Variants in PDE3A observed in about 807,000 individuals in gnomAD.
The protein encoded by PDE3A is phosphodiesterase 3A, also known as cGMP-inhibited 3',5'-cyclic phosphodiesterase 3A.
Under a neutral mutation model 98.3 loss-of-function variants are expected in PDE3A, and 43 were observed. The ratio of observed to expected loss-of-function variants is 0.44; its 90% CI spans 0.34 to 0.56. The LOEUF is 0.56. Among genes scored for constraint, PDE3A ranks in the 20% least tolerant of loss-of-function variants. The pLI, the probability that PDE3A is intolerant of heterozygous loss-of-function variation, is 0.01. For synonymous variants in PDE3A, 663 were observed against 567.9 expected, an observed-to-expected ratio of 1.17 and a Z score of -2.38; for missense variants, 1,427 against 1,440.7, an observed-to-expected ratio of 0.99 and a Z score of 0.15.
intron 1 of PDE3A, among the ~76,000 whole-genome samples, chr12:20,547,149 T>C (rs1942080617): frequency 6.6e-6 from 1 of 152,118 alleles, no homozygotes; most frequent in African/African-American, 2.4e-5. Flanking sequence ...AATTATCTGA[T>C]AAAATGTCAC....
In PDE3A at chr12:20,686,103, AC is replaced by A. The variant is rs1263448902; in HGVS notation, c.*5833del. ...GGCTGAATATTTTGATATAATAAGA[AC>A]TAGTATCATATAACAGAAAACTAGA... On this transcript the variant is annotated 3_prime_UTR_variant, in exon 16 of 16. Transcript: ENST00000359062. Among the ~76,000 whole-genome samples the A allele has an allele frequency of 1.3e-5, 2 of 152,164 alleles. No individual in the cohort carries two copies. Among genetic ancestry groups the A allele is most frequent in the Non-Finnish European group, 2.9e-5 (2 of 68,000 alleles).
chr12:20,386,718 C>T (rs111593723), intron 1 of PDE3A, among the ~76,000 whole-genome samples: 1 of 151,916 alleles, frequency 6.6e-6, no homozygotes, highest in South Asian at 2.1e-4. Context: ...AAAATTTTCT[C>T]CCATTCTATA....
Position 20,646,803 on chromosome 12 carries a change from G to A in PDE3A, c.2418G>A (p.Thr806=), listed in dbSNP as rs2121515491. The stretch of plus-strand genomic sequence containing the variant: ...ATATGGGATATGTATTCTCAAAAAC[G>A]TATAATGTGACAGATGATAAATACG... The part of the protein sequence containing the change: ...HGHMGYVFSK[T]YNVTDDKYGC... Residue 806 remains threonine (T), a synonymous_variant, in exon 12 of 16, where the codon ACG becomes ACA. Transcript: ENST00000359062. 4 of 1,611,158 alleles carry A rather than the reference G, an allele frequency of 2.5e-6. No individual in the cohort carries two copies. Among genetic ancestry groups the A allele is most frequent in the Admixed American group, 1.7e-5 (1 of 59,996 alleles).
chr12:20,627,125 G>C (rs1319472420), intron 5 of PDE3A, among the ~76,000 whole-genome samples: 1 of 137,310 alleles, frequency 7.3e-6, no homozygotes, highest in Non-Finnish European at 1.5e-5. Context: ...GTTCTCATGG[G>C]CTTTGAACTA....
chr12:20,557,572 A>G (rs932943084), intron 2 of PDE3A, among the ~76,000 whole-genome samples: 1 of 152,224 alleles, frequency 6.6e-6, no homozygotes, highest in Non-Finnish European at 1.5e-5. Context: ...AATACTGTAA[A>G]TGAAAGTTCA....
chr12:20,644,709 T>A (rs1944730517), intron 10 of PDE3A, among the ~76,000 whole-genome samples: 1 of 152,126 alleles, frequency 6.6e-6, no homozygotes, highest in Non-Finnish European at 1.5e-5. Context: ...TCAATCTTAA[T>A]GAAATTGCTC....
chr12:20,567,006 C>G (rs1294332246), intron 2 of PDE3A, among the ~76,000 whole-genome samples: 2 of 151,850 alleles, frequency 1.3e-5, no homozygotes, highest in African/African-American at 4.8e-5. Flanking sequence ...TTAAAGAGTA[C>G]TCCAATTAAC....
Position 20,552,690 on chromosome 12 carries a change from C to CA in PDE3A, c.961-3968dup. ...AGCAGAGCAGCCTCATCAGAGAGGA[C>CA]AAGAGCAACGCCAAGCTGTGGAATG... On this transcript the variant is annotated intron_variant, in intron 1 of 15. Coordinates refer to ENST00000359062, the MANE Select transcript of PDE3A (RefSeq NM_000921.5). This position sits in a 1 kb window ranked among gnomAD's most constrained non-coding sequence, Gnocchi z 5.1. 1.2e-6 allele frequency: 2 copies of CA among 1,614,004 alleles called. No individual in the cohort carries two copies. The highest frequency in any genetic ancestry group is 1.7e-6 in the Non-Finnish European group (2 of 1,179,886).
intron 1 of PDE3A, among the ~76,000 whole-genome samples, chr12:20,471,122 G>A (rs1234879955): frequency 6.6e-6 from 1 of 152,158 alleles, no homozygotes; most frequent in Non-Finnish European, 1.5e-5. Flanking sequence ...ATTACAGCTT[G>A]AGCTGACATG....
In PDE3A at chr12:20,681,553, T is replaced by C. The variant is rs934245721; in HGVS notation, c.*1282T>C. ...GCCTGATTCTTGGCAACTGTTGTAG[T>C]TTGTCTTTCAGGGGTGAAGGTCCCA... On this transcript the variant is annotated 3_prime_UTR_variant, in exon 16 of 16. Coordinates refer to ENST00000359062, the MANE Select transcript of PDE3A (RefSeq NM_000921.5). 6.6e-6 allele frequency: 1 copy of C among 152,186 alleles called. No homozygotes were observed. Among genetic ancestry groups the C allele is most frequent in the Admixed American group, 6.5e-5 (1 of 15,280 alleles). The allele number at this position is 152,186 out of a possible 1,614,324, so 9.4% of individuals were successfully genotyped here.
intron 4 of PDE3A, among the ~76,000 whole-genome samples, chr12:20,618,592 G>A (rs1412717597): frequency 6.6e-6 from 1 of 152,064 alleles, no homozygotes; most frequent in Non-Finnish European, 1.5e-5. Flanking sequence ...GAAATGAAAT[G>A]TACTGTGTTC....
chr12:20,528,862 T>G (rs1397871223), intron 1 of PDE3A, among the ~76,000 whole-genome samples: 1 of 151,650 alleles, frequency 6.6e-6, no homozygotes. Context: ...AACAGAGTAT[T>G]TACAGAGAAT....
chr12:20,656,024 C>G (rs182811685), intron 15 of PDE3A, among the ~76,000 whole-genome samples: 1 of 152,266 alleles, frequency 6.6e-6, no homozygotes, highest in Non-Finnish European at 1.5e-5. Flanking sequence ...AGCTACTCTC[C>G]TATTTATCCT....
chr12:20,440,018 TC>T (rs1944844095), intron 1 of PDE3A, among the ~76,000 whole-genome samples: 1 of 152,196 alleles, frequency 6.6e-6, no homozygotes, highest in African/African-American at 2.4e-5. Context: ...CTGTGTACAT[TC>T]TTTCTGATTG....
At chr12:20,563,321 G>C (rs1459276425) in intron 2 of PDE3A, among the ~76,000 whole-genome samples, 1 of 152,094 alleles carries the variant, frequency 6.6e-6, no homozygotes, top group African/African-American at 2.4e-5. Flanking sequence ...TATTTATCTG[G>C]AGTAATGCCA....
intron 1 of PDE3A, among the ~76,000 whole-genome samples, chr12:20,490,474 G>T (rs1945808696): frequency 6.6e-6 from 1 of 152,144 alleles, no homozygotes; most frequent in Non-Finnish European, 1.5e-5. Flanking sequence ...TGTGTTTGCT[G>T]CATGGAAAGG....
At chr12:20,471,011 A>C (rs534870934) in intron 1 of PDE3A, among the ~76,000 whole-genome samples, 1 of 152,200 alleles carries the variant, frequency 6.6e-6, no homozygotes, top group African/African-American at 2.4e-5. Context: ...CCGTCATTAG[A>C]CACCATCCAT....
At chr12:20,525,166 C>T (rs972727195) in intron 1 of PDE3A, among the ~76,000 whole-genome samples, 4 of 152,092 alleles carry the variant, frequency 2.6e-5, no homozygotes, top group Non-Finnish European at 5.9e-5. Flanking sequence ...ATTACTGCTC[C>T]GGAGCCTTGG....
At chr12:20,462,149 A>G (rs1945262587) in intron 1 of PDE3A, among the ~76,000 whole-genome samples, 1 of 152,204 alleles carries the variant, frequency 6.6e-6, no homozygotes, top group Non-Finnish European at 1.5e-5. Context: ...ACAAGTAATT[A>G]GCCCCAGAAT....
Sources: gnomAD v4.1 joint callset for allele counts (sites outside exome capture counted in the v4.1 genomes callset) on GRCh38, gnomAD v4.1.1 for gene constraint, Gnocchi (gnomAD v3.1) non-coding constraint, MANE v1.5 for transcripts, NCBI Gene and HGNC (gene_info 2026-07-23, HGNC 2026-07-21) for gene names.